Variants in JMJD8 observed in about 807,000 individuals in gnomAD.
JMJD8 encodes jmjC domain-containing protein 8.
Under a neutral mutation model 37.6 loss-of-function variants are expected in JMJD8, and 56 were observed. The observed-to-expected ratio is 1.49, with a 90% CI of 1.20 to 1.86. The LOEUF is 1.86. Among genes scored for constraint, JMJD8 ranks in the 40% most tolerant of loss-of-function variants. The pLI is 0.00. For missense variants in JMJD8, 542 were observed against 362.7 expected, an observed-to-expected ratio of 1.49 and a Z score of -4.01; for synonymous variants, 261 against 163.7, an observed-to-expected ratio of 1.59 and a Z score of -4.54.
intron 6 of JMJD8, 35 bp downstream of exon 6, chr16:683,287 A>C (rs1301726992): frequency 6.2e-7 from 1 of 1,611,920 alleles, no homozygotes; most frequent in South Asian, 1.1e-5. Flanking sequence ...CACCGACAGA[A>C]GCCTCAGTCC....
rs767564001 is a variant in JMJD8 at position 682,286 on chromosome 16, G to C, written c.*508C>G. On this transcript the variant is annotated 3_prime_UTR_variant, in exon 9 of 9. Coordinates refer to ENST00000609261, the MANE Select transcript of JMJD8 (RefSeq NM_001005920.4). ...GACATCGAGGAGCACCTGCAGGTGA[G>C]GCCTGCGGCTGGGGGAGCAGGGCCA... 5.7e-6 allele frequency: 9 copies of C among 1,568,844 alleles called. No homozygotes were observed. The highest frequency in any genetic ancestry group is 7.7e-6 in the Non-Finnish European group (9 of 1,168,148).
Position 682,047 on chromosome 16 carries a change from CT to C in JMJD8, c.*746del. The C allele has an allele frequency of 6.3e-7, 1 of 1,587,844 alleles. No individual in the cohort carries two copies. Among genetic ancestry groups the C allele is most frequent in the South Asian group, 1.1e-5 (1 of 88,838 alleles). ...CAAGTACATGGCGGACATGGACGAGCTTTTTTCTCAGGTGGATGAGAAGAGG... is the reference window on the plus strand; with the variant it reads ...CAAGTACATGGCGGACATGGACGAGCTTTTTCTCAGGTGGATGAGAAGAGG... On this transcript the variant is annotated 3_prime_UTR_variant, in exon 9 of 9. Transcript: ENST00000609261.
intron 2 of JMJD8, 55 bp downstream of exon 2, chr16:684,011 G>A (rs1242478041): frequency 6.4e-6 from 10 of 1,561,542 alleles, no homozygotes; most frequent in East Asian, 2.4e-5. Flanking sequence ...TTGGGCGGTC[G>A]GGGCAGACGG....
At position 681,832 on chromosome 16, in the gene JMJD8, G is replaced by T. The variant is rs769735565; in HGVS notation, c.*962C>A. 6.2e-7 allele frequency: 1 copy of T among 1,610,208 alleles called. No homozygotes were observed. Among genetic ancestry groups the T allele is most frequent in the South Asian group, 1.1e-5 (1 of 90,918 alleles). On this transcript the variant is annotated 3_prime_UTR_variant, in exon 9 of 9. Coordinates refer to ENST00000609261, the MANE Select transcript of JMJD8 (RefSeq NM_001005920.4). Reference sequence around the variant, plus strand: ...GCCAGCGAAACCACGAGGGTGATGAGGACGACAGCCACGTCCGGGCCCAGC... The same window carrying T: ...GCCAGCGAAACCACGAGGGTGATGATGACGACAGCCACGTCCGGGCCCAGC...
In JMJD8 at chr16:682,090, G is replaced by T; in HGVS notation, c.*704C>A. ...GAGAAGAGGAAGGTGAGTGTGTGTC[G>T]CTTGCTGCCGATGGCTGGCAGGTGC... On this transcript the variant is annotated 3_prime_UTR_variant, in exon 9 of 9. Transcript: ENST00000609261. The T allele has an allele frequency of 6.3e-7, 1 of 1,581,008 alleles. No individual in the cohort carries two copies. Among genetic ancestry groups the T allele is most frequent in the Non-Finnish European group, 8.6e-7 (1 of 1,157,374 alleles).
In JMJD8 at chr16:682,974, C is replaced by T; in HGVS notation, c.693G>A (p.Glu231=). 1.2e-6 allele frequency: 2 copies of T among 1,613,232 alleles called. No homozygotes were observed. Among genetic ancestry groups the T allele is most frequent in the Non-Finnish European group, 1.7e-6 (2 of 1,179,826 alleles). ...TGACCTCACCAGCCCGGATGGTACA[C>T]TCCAGGGGCCGTGCAGACGGTGGCA... The part of the protein sequence containing the change: ...PALPPSARPL[E]CTIRAGEVLY... The change falls in exon 8 of 9, where the codon GAG becomes GAA. Residue 231 remains glutamate (E), a synonymous_variant. Coordinates refer to ENST00000609261, the MANE Select transcript of JMJD8 (RefSeq NM_001005920.4).
At position 683,318 on chromosome 16, in the gene JMJD8, C is replaced by G; in HGVS notation, c.511+4G>C. The G allele has an allele frequency of 1.3e-6, 2 of 1,598,130 alleles. No individual in the cohort carries two copies. The highest frequency in any genetic ancestry group is 1.7e-6 in the Non-Finnish European group (2 of 1,172,204). On this transcript the variant is annotated splice_donor_region_variant and intron_variant, in intron 6 of 8. Coordinates refer to ENST00000609261, the MANE Select transcript of JMJD8 (RefSeq NM_001005920.4). Reference sequence around the variant, plus strand: ...AGTCCTTCCCAGTCCCAAGAAGCACCCACCTGCGATTCCAAAGCTGTAAGC... The same window carrying G: ...AGTCCTTCCCAGTCCCAAGAAGCACGCACCTGCGATTCCAAAGCTGTAAGC...
In JMJD8 at chr16:681,821, G is replaced by C. The variant is rs757171182; in HGVS notation, c.*973C>G. ...GCTGGAAGAGTGCCAGCGAAACCAC[G>C]AGGGTGATGAGGACGACAGCCACGT... On this transcript the variant is annotated 3_prime_UTR_variant, in exon 9 of 9. Coordinates refer to ENST00000609261, the MANE Select transcript of JMJD8 (RefSeq NM_001005920.4). 6.8e-6 allele frequency: 11 copies of C among 1,607,450 alleles called. 1 individual carries two copies. Among genetic ancestry groups the C allele is most frequent in the Non-Finnish European group, 9.4e-6 (11 of 1,176,024 alleles).
chr16:683,854 C>G lies in JMJD8; in HGVS notation c.225+7G>C. On this transcript the variant is annotated splice_region_variant and intron_variant, in intron 3 of 8. Coordinates refer to ENST00000609261, the MANE Select transcript of JMJD8 (RefSeq NM_001005920.4). ...GAGTGGCCGGGGACGGACGGGCACG[C>G]GCTCACCGAGTTGTCCGTGAGTCCC... The G allele has an allele frequency of 6.3e-7, 1 of 1,584,138 alleles. No individual in the cohort carries two copies. The highest frequency in any genetic ancestry group is 8.6e-7 in the Non-Finnish European group (1 of 1,167,646).
rs1365263631 is a variant in JMJD8, at chr16:682,881, G to A, written c.715-7C>T. 6.2e-7 allele frequency: 1 copy of A among 1,612,828 alleles called. No homozygotes were observed. The highest frequency in any genetic ancestry group is 8.5e-7 in the Non-Finnish European group (1 of 1,179,832). ...GGTCGGGGAAGTACAGCACCTGGTG[G>A]AGGAAGGGGGTGCAGCAGAGATTAG... is the stretch of plus-strand genomic sequence containing the variant. On this transcript the variant is annotated splice_region_variant and splice_polypyrimidine_tract_variant and intron_variant, in intron 8 of 8. Coordinates refer to ENST00000609261, the MANE Select transcript of JMJD8 (RefSeq NM_001005920.4).
chr16:684,256 C>G lies in JMJD8; in HGVS notation c.64G>C (p.Gly22Arg), dbSNP rs2039839404. Residue 22 changes from glycine (G) to arginine (R), a missense_variant, in exon 1 of 9, where the codon GGG becomes CGG. Physicochemically the swap from Gly to Arg is moderately radical, Grantham distance 125. Transcript: ENST00000609261. ...CACCACCCGCCGTCGCCCTCCGCCC[C>G]GGAGCCGGGTAGAGCCACAGCCGCC... ...ALAAVALPGS[G>R]AEGDGGWRPG... The G allele has an allele frequency of 7.3e-7, 1 of 1,372,414 alleles. No homozygotes were observed. Among genetic ancestry groups the G allele is most frequent in the Non-Finnish European group, 9.3e-7 (1 of 1,071,730 alleles). 85.0% of individuals were successfully genotyped at this position (1,372,414 alleles called of 1,614,324 possible).
At position 683,916 on chromosome 16, in the gene JMJD8, A is replaced by C; in HGVS notation, c.177-7T>G. On this transcript the variant is annotated splice_polypyrimidine_tract_variant and splice_region_variant and intron_variant, in intron 2 of 8. Coordinates refer to ENST00000609261, the MANE Select transcript of JMJD8 (RefSeq NM_001005920.4). ...GGGCCTGACGAAGGCGTACCTGGAA[A>C]GAAGGGCAGAGTCGCGGCCAGGCCG... 1 of 1,574,638 alleles carries C rather than the reference A, an allele frequency of 6.4e-7. No individual in the cohort carries two copies. Among genetic ancestry groups the C allele is most frequent in the Non-Finnish European group, 8.6e-7 (1 of 1,163,706 alleles).
In JMJD8 at chr16:684,149, C is replaced by A. The variant is rs759611044; in HGVS notation, c.93G>T (p.Pro31=). Residue 31 remains proline (P), a synonymous_variant, in exon 2 of 9, where the codon CCG becomes CCT. Transcript: ENST00000609261. ...CCTCCGCCACGGCCCCCGGCCCGCC[C>A]GGGCGCCTGCGGGCACAGCTGGGTC... ...SGAEGDGGWR[P]GGPGAVAEEE... The A allele has an allele frequency of 5.4e-6, 8 of 1,471,306 alleles. No individual in the cohort carries two copies. The highest frequency in any genetic ancestry group is 7.2e-6 in the Non-Finnish European group (8 of 1,118,592). The allele number at this position is 1,471,306 out of a possible 1,614,324, so 91.1% of individuals were successfully genotyped here. A position where few individuals can be genotyped will look rare whatever the true frequency, so the allele number is the denominator to read the frequency against.
In JMJD8 at chr16:681,862, C is replaced by T. The variant is rs1373894497; in HGVS notation, c.*932G>A. On this transcript the variant is annotated 3_prime_UTR_variant, in exon 9 of 9. Transcript: ENST00000609261. Reference sequence around the variant, plus strand: ...ACAGCCACGTCCGGGCCCAGCAGGCCTGCATTGAGGCCAAGCACGTGAGGG... The same window carrying T: ...ACAGCCACGTCCGGGCCCAGCAGGCTTGCATTGAGGCCAAGCACGTGAGGG... 1.2e-6 allele frequency: 2 copies of T among 1,612,804 alleles called. No homozygotes were observed. Among genetic ancestry groups the T allele is most frequent in the South Asian group, 2.2e-5 (2 of 91,080 alleles).
rs768928231 is a variant in JMJD8 at position 683,098 on chromosome 16, G to T, written c.580-11C>A. The T allele has an allele frequency of 3.7e-6, 6 of 1,613,470 alleles. No homozygotes were observed. In the Admixed American group the frequency reaches 6.7e-5, roughly 18 times the overall value. On this transcript the variant is annotated splice_polypyrimidine_tract_variant and intron_variant, in intron 7 of 8. Transcript: ENST00000609261. ...GTAAAGGAACCAGCGCTGGGGGCAT[G>T]AGCAGCAGTGTCACCCTTGCCCGTT...
rs1367459148 is a variant in JMJD8, at chr16:684,172, G to A, written c.87-17C>T. The A allele has an allele frequency of 7.4e-7, 1 of 1,359,972 alleles. No homozygotes were observed. Among genetic ancestry groups the A allele is most frequent in the Admixed American group, 4.0e-5 (1 of 25,106 alleles). 84.2% of individuals were successfully genotyped at this position (1,359,972 alleles called of 1,614,324 possible). A position where few individuals can be genotyped will look rare whatever the true frequency, so the allele number is the denominator to read the frequency against. On this transcript the variant is annotated splice_polypyrimidine_tract_variant and intron_variant, in intron 1 of 8. Transcript: ENST00000609261. ...CCCGGGCGCCTGCGGGCACAGCTGG[G>A]TCAGCCCGCGCCCCGCCCGCCGCAC...
intron 2 of JMJD8, 27 bp from the exon 3 acceptor site, chr16:683,936 A>G: frequency 6.4e-7 from 1 of 1,563,690 alleles, no homozygotes; most frequent in Non-Finnish European, 8.6e-7. Flanking sequence ...AGTCGCGGCC[A>G]GGCCGGACCG....
rs200729579 is a variant in JMJD8 at position 682,146 on chromosome 16, G to A, written c.*648C>T. 3.1e-5 allele frequency: 49 copies of A among 1,596,780 alleles called. No individual in the cohort carries two copies. The highest frequency in any genetic ancestry group is 1.7e-4 in the Middle Eastern group (1 of 6,042). The stretch of plus-strand genomic sequence containing the variant: ...CAGTGCCCCTTTTCAGCCTCTGACC[G>A]TGTGCCCCTGTGCCACAGAAGCGAG... On this transcript the variant is annotated 3_prime_UTR_variant, in exon 9 of 9. Coordinates refer to ENST00000609261, the MANE Select transcript of JMJD8 (RefSeq NM_001005920.4).
rs147885296 is a variant in JMJD8, at chr16:682,090, G to A, written c.*704C>T. 135 of 1,581,012 alleles carry A rather than the reference G, an allele frequency of 8.5e-5. 1 individual carries two copies. The African/African-American group carries it at 1.4e-3, about 16-fold the overall frequency. ...GAGAAGAGGAAGGTGAGTGTGTGTC[G>A]CTTGCTGCCGATGGCTGGCAGGTGC... On this transcript the variant is annotated 3_prime_UTR_variant, in exon 9 of 9. Coordinates refer to ENST00000609261, the MANE Select transcript of JMJD8 (RefSeq NM_001005920.4).
Sources: gnomAD v4.1 joint callset for allele counts on GRCh38, gnomAD v4.1.1 for gene constraint, MANE v1.5 for transcripts, NCBI Gene and HGNC (gene_info 2026-07-23, HGNC 2026-07-21) for gene names.